Variants in NEIL3 observed in about 807,000 individuals in gnomAD.
The protein encoded by NEIL3 is endonuclease 8-like 3.
A neutral mutation model predicts 57.5 loss-of-function variants in NEIL3; 48 were observed. That is an observed-to-expected ratio of 0.83 (90% CI 0.66 to 1.06). The LOEUF is 1.06. Among genes scored for constraint, NEIL3 ranks in the 50% least tolerant of loss-of-function variants. The pLI, the probability that NEIL3 is intolerant of heterozygous loss-of-function variation, is 0.00. For synonymous variants in NEIL3, 261 were observed against 253.2 expected, an observed-to-expected ratio of 1.03 and a Z score of -0.29; for missense variants, 717 against 739.1, an observed-to-expected ratio of 0.97 and a Z score of 0.35.
In NEIL3 at chr4:177,320,466, C is replaced by T. The variant is rs140186290; in HGVS notation, c.157-1993C>T. On this transcript the variant is annotated intron_variant, in intron 1 of 9. Transcript: ENST00000264596. ...GTGCAGAACAGGAAGTGACTGCTGT[C>T]TTTTTTTTTTTTTTTTTTTTTTTTT... Among the ~76,000 whole-genome samples the T allele has an allele frequency of 2.2e-3, 172 of 77,440 alleles. 11 individuals carry two copies. The highest frequency in any genetic ancestry group is 2.4e-3 in the Non-Finnish European group (102 of 42,866). 50.8% of individuals were successfully genotyped at this position (77,440 alleles called of 152,430 possible). A position where few individuals can be genotyped will look rare whatever the true frequency, so the allele number is the denominator to read the frequency against.
Position 177,348,858 on chromosome 4 carries a change from A to ATTTTTTTTTTT in NEIL3, c.870-2505_870-2495dup, listed in dbSNP as rs749391559. 1.8e-3 allele frequency among the ~76,000 whole-genome samples: 132 copies of ATTTTTTTTTTT among 73,734 alleles called. 20 individuals carry two copies. Among genetic ancestry groups the ATTTTTTTTTTT allele is most frequent in the African/African-American group, 5.0e-3 (83 of 16,564 alleles). The allele number at this position is 73,734 out of a possible 152,430, so 48.4% of individuals were successfully genotyped here. On this transcript the variant is annotated intron_variant, in intron 6 of 9. Coordinates refer to ENST00000264596, the MANE Select transcript of NEIL3 (RefSeq NM_018248.3). ...AGAATTGCAGATTGGTGGCTCATGA[A>ATTTTTTTTTTT]TTTTTTTTTTTTTTTTTTTTTTTTT...
At chr4:177,351,581 C>G (rs377546915) in intron 7 of NEIL3, 32 bp downstream of exon 7, 2 of 1,559,120 alleles carry the variant, frequency 1.3e-6, no homozygotes, top group Non-Finnish European at 1.8e-6. Context: ...GAGTTTGTTA[C>G]ATTTCTAAGA....
intron 6 of NEIL3, among the ~76,000 whole-genome samples, chr4:177,345,679 CTTTTTTTTT>C (rs55741585): frequency 1.6e-3 from 123 of 78,076 alleles, no homozygotes; most frequent in African/African-American, 5.5e-3. Flanking sequence ...CCACGCCTGG[CTTTTTTTTT>C]TTTTTTTTTT....
At chr4:177,350,412 T>A (rs1735325555) in intron 6 of NEIL3, among the ~76,000 whole-genome samples, 1 of 152,194 alleles carries the variant, frequency 6.6e-6, no homozygotes, top group Non-Finnish European at 1.5e-5. Flanking sequence ...AAATACATGG[T>A]CAATGAAGGA....
chr4:177,341,705 C>T, intron 6 of NEIL3, 63 bp downstream of exon 6: 2 of 1,378,698 alleles, frequency 1.5e-6, no homozygotes, highest in Non-Finnish European at 1.0e-6. Flanking sequence ...GGCTAATAAT[C>T]TGAGAATATA....
rs773448437 is a variant in NEIL3 at position 177,353,560 on chromosome 4, AC to A, written c.1296del (p.Ser433ProfsTer8). Reference sequence around the variant, plus strand: ...AGTGTTTGTTTGAATGATATACAGCACCCCTCCAAGAAGACAACAAACGATA... The same window carrying A: ...AGTGTTTGTTTGAATGATATACAGCACCCTCCAAGAAGACAACAAACGATA... ...PASVCLNDIQ[H>X]PSKKTTNDIT... On this transcript the variant is annotated frameshift_variant, in exon 8 of 10. Coordinates refer to ENST00000264596, the MANE Select transcript of NEIL3 (RefSeq NM_018248.3). LOFTEE classifies it high-confidence loss of function. 1.2e-6 allele frequency: 2 copies of A among 1,613,252 alleles called. No individual in the cohort carries two copies. Among genetic ancestry groups the A allele is most frequent in the Non-Finnish European group, 1.7e-6 (2 of 1,179,422 alleles).
chr4:177,370,876 G>A, the NEIL3 span, among the ~76,000 whole-genome samples: 2 of 152,006 alleles, frequency 1.3e-5, no homozygotes, highest in Non-Finnish European at 2.9e-5. Context: ...CCTCCAGCCT[G>A]GGCAACAGAG....
At chr4:177,341,959 A>G (rs2110913783) in intron 6 of NEIL3, among the ~76,000 whole-genome samples, 1 of 152,302 alleles carries the variant, frequency 6.6e-6, no homozygotes, top group African/African-American at 2.4e-5. Flanking sequence ...ACTACCTTCA[A>G]AAGTCTCTGC....
chr4:177,339,922 CA>C, intron 5 of NEIL3, 65 bp downstream of exon 5: 3 of 1,082,792 alleles, frequency 2.8e-6, no homozygotes, highest in South Asian at 1.3e-5. Context: ...TGGAGTGCAC[CA>C]AAAAATGTGA....
chr4:177,359,414 A>C (rs1445893894), intron 8 of NEIL3, among the ~76,000 whole-genome samples: 5 of 152,188 alleles, frequency 3.3e-5, no homozygotes, highest in African/African-American at 1.2e-4. Flanking sequence ...CACAAATAAG[A>C]GATTGCATTC....
At chr4:177,360,431 G>A (rs560390119) in intron 8 of NEIL3, 72 bp from the exon 9 acceptor site, 339 of 1,072,284 alleles carry the variant, frequency 3.2e-4, no homozygotes, top group Non-Finnish European at 4.2e-4. Flanking sequence ...ATTCTGACAT[G>A]TGGGGGTAAA....
intron 6 of NEIL3, among the ~76,000 whole-genome samples, chr4:177,342,583 A>T (rs987985410): frequency 2.0e-5 from 3 of 151,964 alleles, no homozygotes; most frequent in African/African-American, 7.3e-5. Flanking sequence ...GAAGGTTGGG[A>T]AGATCTCAAA....
chr4:177,336,389 C>A, intron 4 of NEIL3, 68 bp downstream of exon 4: 7 of 1,197,806 alleles, frequency 5.8e-6, no homozygotes, highest in Admixed American at 5.7e-5. Flanking sequence ...AACGTGGAAG[C>A]CTTAACTCTG....
Position 177,362,592 on chromosome 4 carries a change from G to T in NEIL3, c.*121G>T. 2.7e-6 allele frequency: 2 copies of T among 739,862 alleles called. No homozygotes were observed. 45.8% of individuals were successfully genotyped at this position (739,862 alleles called of 1,614,324 possible). ...ATTGAAAAGTTACTGCAATATTTGAGAACTGTTCTTTTTTTTTCTTGTGTG... is the reference window on the plus strand; with the variant it reads ...ATTGAAAAGTTACTGCAATATTTGATAACTGTTCTTTTTTTTTCTTGTGTG... On this transcript the variant is annotated 3_prime_UTR_variant, in exon 10 of 10. Coordinates refer to ENST00000264596, the MANE Select transcript of NEIL3 (RefSeq NM_018248.3).
downstream of NEIL3, among the ~76,000 whole-genome samples, chr4:177,365,505 C>T (rs186142287): frequency 2.0e-5 from 3 of 152,288 alleles, no homozygotes; most frequent in Non-Finnish European, 4.4e-5. Context: ...GTTAACTCAT[C>T]ACCACTACAA....
chr4:177,360,810 T>A, intron 9 of NEIL3, 133 bp downstream of exon 9: 2 of 644,320 alleles, frequency 3.1e-6, no homozygotes, highest in Non-Finnish European at 4.9e-6. Context: ...GCATTCAGTC[T>A]AAAGCTTGAA....
Position 177,362,225 on chromosome 4 carries a change from G to A in NEIL3, c.1636-64G>A, listed in dbSNP as rs17064728. On this transcript the variant is annotated intron_variant, in intron 9 of 9. Coordinates refer to ENST00000264596, the MANE Select transcript of NEIL3 (RefSeq NM_018248.3). ...ATATGGCACTAATCACATGTGCCTA[G>A]GGTTAGCCTGTACATCATGATAACT... 11,240 of 1,313,222 alleles carry A rather than the reference G, an allele frequency of 8.6e-3. 723 individuals are homozygous for A. In the African/African-American group the frequency reaches 0.14, roughly 17 times the overall value. 81.3% of individuals were successfully genotyped at this position (1,313,222 alleles called of 1,614,324 possible).
intron 2 of NEIL3, among the ~76,000 whole-genome samples, chr4:177,329,512 A>G (rs1734841993): frequency 6.6e-6 from 1 of 152,232 alleles, no homozygotes; most frequent in Admixed American, 6.5e-5. Context: ...GACATTAAAA[A>G]AAGATTAAGG....
At chr4:177,318,312 T>G (rs1233271051) in intron 1 of NEIL3, among the ~76,000 whole-genome samples, 1 of 152,224 alleles carries the variant, frequency 6.6e-6, no homozygotes, top group Non-Finnish European at 1.5e-5. Flanking sequence ...TTTTCCTGTT[T>G]GTTTTTTCAA....
Sources: gnomAD v4.1 joint callset for allele counts (sites outside exome capture counted in the v4.1 genomes callset) on GRCh38, gnomAD v4.1.1 for gene constraint, MANE v1.5 for transcripts, NCBI Gene and HGNC (gene_info 2026-07-23, HGNC 2026-07-21) for gene names.